The following WIPI2 variants were observed in gnomAD, a reference collection of about 807,000 sequenced individuals.
WIPI2 encodes WD repeat domain, phosphoinositide interacting 2, also known as WD repeat domain phosphoinositide-interacting protein 2.
A neutral mutation model predicts 52.3 loss-of-function variants in WIPI2; 28 were observed. The observed-to-expected ratio is 0.54, with a 90% CI of 0.40 to 0.73. The LOEUF (loss-of-function observed/expected upper bound fraction) is 0.73, where lower values mean the gene tolerates loss of function less well. WIPI2 is among the 30% of genes least tolerant of loss of function. The pLI, the probability that WIPI2 is intolerant of heterozygous loss-of-function variation, is 0.00. For missense variants in WIPI2, 506 were observed against 602.9 expected, an observed-to-expected ratio of 0.84 and a Z score of 1.68; for synonymous variants, 268 against 245.0, an observed-to-expected ratio of 1.09 and a Z score of -0.88.
chr7:5,226,051 C>T, intron 9 of WIPI2, 121 bp downstream of exon 9: 1 of 966,034 alleles, frequency 1.0e-6, no homozygotes. Context: ...AGTGAAGACC[C>T]CGGAGCTGGC....
rs200391329 is a variant in WIPI2, at chr7:5,228,132, G to T, written c.1042G>T (p.Gly348Cys). 6.8e-6 allele frequency: 11 copies of T among 1,613,798 alleles called. No homozygotes were observed. Among genetic ancestry groups the T allele is most frequent in the African/African-American group, 1.3e-5 (1 of 74,912 alleles). The change falls in exon 11 of 13, where the codon GGT becomes TGT. Residue 348 changes from glycine to cysteine, a missense_variant. By Grantham distance (159) the Gly-to-Cys change is radical. Around this residue, in one of 4 missense-constraint regions of WIPI2, gnomAD observed 194 missense variants for 175.1 expected, o/e 1.11. Coordinates refer to ENST00000288828, the MANE Select transcript of WIPI2 (RefSeq NM_015610.4). ...TIQKIPRLLVGAADGYLYMYN... is the reference protein window; with the variant it reads ...TIQKIPRLLVCAADGYLYMYN... Reference sequence around the variant, plus strand: ...TCAGAAGATCCCGCGGTTGTTGGTGGGTGCCGCCGACGGGTACCTGTACAT... The same window carrying T: ...TCAGAAGATCCCGCGGTTGTTGGTGTGTGCCGCCGACGGGTACCTGTACAT...
intron 2 of WIPI2, among the ~76,000 whole-genome samples, chr7:5,196,969 G>T (rs546701776): frequency 6.6e-6 from 1 of 151,634 alleles, no homozygotes; most frequent in Non-Finnish European, 1.5e-5. Context: ...AAAATTAGCC[G>T]GGCGTGGTGG....
chr7:5,198,976 T>C (rs554381423), intron 2 of WIPI2, among the ~76,000 whole-genome samples: 10 of 152,230 alleles, frequency 6.6e-5, no homozygotes, highest in Admixed American at 6.5e-5. Flanking sequence ...TACCTTATTA[T>C]CAACTACAGT....
At chr7:5,201,703 G>A (rs1300643002) in intron 3 of WIPI2, among the ~76,000 whole-genome samples, 1 of 152,182 alleles carries the variant, frequency 6.6e-6, no homozygotes, top group Non-Finnish European at 1.5e-5. Context: ...CCAAGATTGT[G>A]CCATTGCACT....
chr7:5,195,050 A>G (rs748324669), intron 2 of WIPI2, among the ~76,000 whole-genome samples: 1 of 151,994 alleles, frequency 6.6e-6, no homozygotes, highest in African/African-American at 2.4e-5. Flanking sequence ...GGACAGGCCT[A>G]CTCTCTGGGG....
intron 2 of WIPI2, among the ~76,000 whole-genome samples, chr7:5,197,960 G>A (rs1430122607): frequency 2.0e-5 from 3 of 152,186 alleles, no homozygotes; most frequent in African/African-American, 7.2e-5. Context: ...TTCTGGAGAG[G>A]CACTTTTCTG....
At position 5,231,078 on chromosome 7, in the gene WIPI2, G is replaced by T. The variant is rs1313421599; in HGVS notation, c.*131G>T. ...AGAGACTTTATTAAAAAAAAAAAAAGATTGTAGTGGTAGTCTAACTCCATA... is the reference window on the plus strand; with the variant it reads ...AGAGACTTTATTAAAAAAAAAAAAATATTGTAGTGGTAGTCTAACTCCATA... On this transcript the variant is annotated 3_prime_UTR_variant, in exon 13 of 13. Transcript: ENST00000288828. 3.5e-6 allele frequency: 2 copies of T among 578,416 alleles called. No homozygotes were observed. Among genetic ancestry groups the T allele is most frequent in the Non-Finnish European group, 5.7e-6 (2 of 351,384 alleles). 35.8% of individuals were successfully genotyped at this position (578,416 alleles called of 1,614,324 possible). A position where few individuals can be genotyped will look rare whatever the true frequency, so the allele number is the denominator to read the frequency against.
In WIPI2 at chr7:5,227,182, C is replaced by A; in HGVS notation, c.851C>A (p.Pro284His). 1.2e-6 allele frequency: 2 copies of A among 1,613,794 alleles called. No individual in the cohort carries two copies. The highest frequency in any genetic ancestry group is 1.7e-6 in the Non-Finnish European group (2 of 1,179,992). The stretch of plus-strand genomic sequence containing the variant: ...TGTCTGGTGGCCTTTCCTTCCAGAC[C>A]CCCAGAGGAGCCCACCACCTGGACC... ...IFKLETVKEK[P>H]PEEPTTWTGY... The change falls in exon 10 of 13, where the codon CCC becomes CAC. Residue 284 changes from proline (P) to histidine (H), a missense_variant and splice_region_variant. Around this residue, in one of 4 missense-constraint regions of WIPI2, gnomAD observed 237 missense variants for 346.9 expected, o/e 0.68. Transcript: ENST00000288828. This position sits in a 1 kb window ranked among gnomAD's most constrained non-coding sequence, Gnocchi z 8.1.
chr7:5,211,526 G>C (rs1385935585), intron 3 of WIPI2, among the ~76,000 whole-genome samples: 1 of 152,192 alleles, frequency 6.6e-6, no homozygotes, highest in Non-Finnish European at 1.5e-5. Flanking sequence ...AAAACACCGT[G>C]AGTGTTTATG....
intron 9 of WIPI2, chr7:5,226,257 C>G: frequency 3.3e-6 from 1 of 307,424 alleles, no homozygotes. Flanking sequence ...TGTGATCAGA[C>G]AGCCCACTAG....
intron 3 of WIPI2, among the ~76,000 whole-genome samples, chr7:5,211,454 A>G (rs563520798): frequency 1.3e-5 from 2 of 152,344 alleles, no homozygotes; most frequent in South Asian, 4.1e-4. Context: ...CCTGGGCAAC[A>G]AAAGCAAAAC....
chr7:5,217,196 C>A lies in WIPI2; in HGVS notation c.576+9C>A, dbSNP rs765588808. On this transcript the variant is annotated intron_variant, in intron 6 of 12. Transcript: ENST00000288828. The stretch of plus-strand genomic sequence containing the variant: ...TCGATACCATTAATTTGGTGAGATG[C>A]CTTTCCTGCTCGAATAGCTCTCTAA... 3.7e-5 allele frequency: 59 copies of A among 1,613,826 alleles called. No homozygotes were observed. The highest frequency in any genetic ancestry group is 1.8e-4 in the East Asian group (8 of 44,896).
At chr7:5,217,267 C>G in intron 6 of WIPI2, 80 bp downstream of exon 6, 1 of 1,430,232 alleles carries the variant, frequency 7.0e-7, no homozygotes, top group Non-Finnish European at 9.8e-7. Flanking sequence ...TCCCTGGCAT[C>G]CTGACTTGGC....
intron 3 of WIPI2, among the ~76,000 whole-genome samples, chr7:5,210,406 G>A (rs185901745): frequency 1.3e-5 from 2 of 152,316 alleles, no homozygotes; most frequent in East Asian, 3.9e-4. Context: ...CCTGCTTGCT[G>A]TTCTTCAGAT....
Position 5,193,130 on chromosome 7 carries a change from G to T in WIPI2, c.87G>T (p.Gly29=), listed in dbSNP as rs768289717. 6.2e-7 allele frequency: 1 copy of T among 1,613,864 alleles called. No individual in the cohort carries two copies. Among genetic ancestry groups the T allele is most frequent in the Non-Finnish European group, 8.5e-7 (1 of 1,179,934 alleles). The change falls in exon 2 of 13, where the codon GGG becomes GGT. Residue 29 remains glycine, a synonymous_variant. Coordinates refer to ENST00000288828, the MANE Select transcript of WIPI2 (RefSeq NM_015610.4). ...TTTTTTTACCTAGAGAAGTGAAAGG[G>T]GCATCAAGAGCAGCTGGTCTTGGCC... The part of the protein sequence containing the change: ...NFNQDNTEVK[G]ASRAAGLGRR...
Position 5,200,692 on chromosome 7 carries a change from T to C in WIPI2, c.211+1034T>C, listed in dbSNP as rs533229397. ...ACTTTGTGCTGGTGACTTTTAATTA[T>C]GGTGTTCTCCTGGCCCGCCAGCAGG... On this transcript the variant is annotated intron_variant, in intron 3 of 12. Coordinates refer to ENST00000288828, the MANE Select transcript of WIPI2 (RefSeq NM_015610.4). Among the ~76,000 whole-genome samples the C allele has an allele frequency of 1.2e-3, 179 of 152,276 alleles. 1 individual carries two copies. Among genetic ancestry groups the C allele is most frequent in the African/African-American group, 3.9e-3 (164 of 41,554 alleles).
In WIPI2 at chr7:5,229,828, C is replaced by T. The variant is rs568597727; in HGVS notation, c.1252+90C>T. The T allele has an allele frequency of 4.1e-4, 628 of 1,544,408 alleles. 10 individuals are homozygous for T. In the South Asian group the frequency reaches 6.3e-3, roughly 16 times the overall value. ...GCTGGCTCCGGAGCCACCCCACCAG[C>T]TCCTCACTGGGAAAGATGGGGACTG... On this transcript the variant is annotated intron_variant, in intron 12 of 12. Coordinates refer to ENST00000288828, the MANE Select transcript of WIPI2 (RefSeq NM_015610.4).
At chr7:5,228,352 G>T (rs1475912413) in intron 11 of WIPI2, 141 bp downstream of exon 11, 1 of 788,710 alleles carries the variant, frequency 1.3e-6, no homozygotes, top group Non-Finnish European at 1.9e-6. Flanking sequence ...TGCCGCGCAG[G>T]TCGGGAGCTT....
intron 2 of WIPI2, among the ~76,000 whole-genome samples, chr7:5,195,987 G>A (rs769463724): frequency 6.6e-6 from 1 of 151,580 alleles, no homozygotes; most frequent in Non-Finnish European, 1.5e-5. Context: ...GCAGTGAGTT[G>A]AGATCACATC....
Sources: gnomAD v4.1 joint callset for allele counts (sites outside exome capture counted in the v4.1 genomes callset) on GRCh38, gnomAD v4.1.1 for gene constraint, gnomAD v4.1.1 regional missense constraint, Gnocchi (gnomAD v3.1) non-coding constraint, MANE v1.5 for transcripts, NCBI Gene and HGNC (gene_info 2026-07-23, HGNC 2026-07-21) for gene names.